BBS9: variants seen among roughly 807,000 people sequenced by gnomAD.
BBS9 encodes the protein Bardet-Biedl syndrome 9, also known as protein PTHB1.
A neutral mutation model predicts 117.7 loss-of-function variants in BBS9; 89 were observed. That is an observed-to-expected ratio of 0.76 (90% CI 0.64 to 0.90). The LOEUF is 0.90. Among genes scored for constraint, BBS9 ranks in the 40% least tolerant of loss-of-function variants. BBS9 has a pLI of 0.00. For synonymous variants in BBS9, 379 were observed against 370.9 expected, an observed-to-expected ratio of 1.02 and a Z score of -0.25; for missense variants, 982 against 1,042.2, an observed-to-expected ratio of 0.94 and a Z score of 0.80.
chr7:33,532,867 C>G (rs964598829), intron 20 of BBS9, among the ~76,000 whole-genome samples: 3 of 152,172 alleles, frequency 2.0e-5, no homozygotes, highest in African/African-American at 7.2e-5. Flanking sequence ...CCGCAGTATT[C>G]TATGATCATA....
chr7:33,370,163 A>C (rs1822581604), intron 17 of BBS9, among the ~76,000 whole-genome samples: 1 of 148,968 alleles, frequency 6.7e-6, no homozygotes, highest in African/African-American at 2.6e-5. Flanking sequence ...ATATTTTTAG[A>C]AAGCAGAATA....
intron 4 of BBS9, among the ~76,000 whole-genome samples, chr7:33,163,205 T>G (rs1307286376): frequency 6.6e-6 from 1 of 152,220 alleles, no homozygotes; most frequent in Non-Finnish European, 1.5e-5. Flanking sequence ...GATAAACTTT[T>G]TGATGTGCTG....
chr7:33,319,777 C>G (rs1466474358), intron 9 of BBS9, among the ~76,000 whole-genome samples: 1 of 152,132 alleles, frequency 6.6e-6, no homozygotes, highest in Admixed American at 6.5e-5. Context: ...AGACAACCCA[C>G]AGAGTGGGAG....
intron 5 of BBS9, among the ~76,000 whole-genome samples, chr7:33,225,021 A>G (rs945692730): frequency 5.9e-5 from 9 of 152,180 alleles, no homozygotes; most frequent in African/African-American, 2.2e-4. Flanking sequence ...CCAGAGATAT[A>G]TTCTTAGGAG....
Position 33,362,721 on chromosome 7 carries a change from A to G in BBS9, c.1693+4726A>G, listed in dbSNP as rs1024159471. ...AATTTCTCCAACTTTATTCTTCTCA[A>G]TTTTGTTTTGGATATTTTAGGTCCT... On this transcript the variant is annotated intron_variant, in intron 16 of 22. Coordinates refer to ENST00000242067, the MANE Select transcript of BBS9 (RefSeq NM_198428.3). 4.6e-5 allele frequency among the ~76,000 whole-genome samples: 7 copies of G among 152,164 alleles called. No homozygotes were observed. The East Asian group carries it at 1.4e-3, about 29-fold the overall frequency.
chr7:33,542,772 A>AAT (rs1563332432), intron 21 of BBS9, among the ~76,000 whole-genome samples: 7 of 102,142 alleles, frequency 6.9e-5, no homozygotes, highest in Non-Finnish European at 1.3e-4. Context: ...TGTATATGTG[A>AAT]GTATATATAT....
At chr7:33,326,828 T>G (rs1490587198) in intron 9 of BBS9, among the ~76,000 whole-genome samples, 1 of 151,806 alleles carries the variant, frequency 6.6e-6, no homozygotes, top group Non-Finnish European at 1.5e-5. Context: ...AGTGCCTTAT[T>G]CTACTGTGGA....
chr7:33,308,261 G>T (rs1251589118), intron 9 of BBS9, among the ~76,000 whole-genome samples: 2 of 152,100 alleles, frequency 1.3e-5, no homozygotes, highest in Non-Finnish European at 2.9e-5. Flanking sequence ...AGGAAGGACT[G>T]GATTTGGAGG....
intron 21 of BBS9, among the ~76,000 whole-genome samples, chr7:33,591,739 A>G (rs1198980714): frequency 1.3e-5 from 2 of 151,964 alleles, no homozygotes; most frequent in African/African-American, 4.8e-5. Context: ...CCACTGTTTT[A>G]CCCTTTTATC....
At chr7:33,199,405 CA>C (rs1785465941) in intron 5 of BBS9, among the ~76,000 whole-genome samples, 1 of 151,824 alleles carries the variant, frequency 6.6e-6, no homozygotes, top group Non-Finnish European at 1.5e-5. Flanking sequence ...CCCCCAGTTT[CA>C]AGATTAACTG....
chr7:33,395,096 A>G (rs1584641409), intron 19 of BBS9, among the ~76,000 whole-genome samples: 1 of 152,224 alleles, frequency 6.6e-6, no homozygotes, highest in African/African-American at 2.4e-5. Flanking sequence ...AACTGTTTGT[A>G]CATGTTCATG....
intron 15 of BBS9, among the ~76,000 whole-genome samples, chr7:33,357,365 T>A (rs1019397821): frequency 6.6e-6 from 1 of 151,770 alleles, no homozygotes; most frequent in Non-Finnish European, 1.5e-5. Flanking sequence ...ATGTTCATAA[T>A]CTGAATCTTC....
At chr7:33,439,614 C>T (rs1835849448) in intron 19 of BBS9, among the ~76,000 whole-genome samples, 1 of 150,950 alleles carries the variant, frequency 6.6e-6, no homozygotes, top group African/African-American at 2.4e-5. Flanking sequence ...CTGCAACCTC[C>T]GTCTCCCAGG....
intron 19 of BBS9, among the ~76,000 whole-genome samples, chr7:33,405,306 T>A (rs1028145334): frequency 6.6e-6 from 1 of 152,170 alleles, no homozygotes; most frequent in Non-Finnish European, 1.5e-5. Flanking sequence ...TAAAATTCTC[T>A]TTTTTGGTTG....
At chr7:33,250,806 T>A (rs1796102775) in intron 5 of BBS9, among the ~76,000 whole-genome samples, 1 of 152,232 alleles carries the variant, frequency 6.6e-6, no homozygotes, top group African/African-American at 2.4e-5. Context: ...AGACATTTAT[T>A]AATGTATCTC....
intron 19 of BBS9, among the ~76,000 whole-genome samples, chr7:33,463,482 A>T (rs537015957): frequency 6.6e-6 from 1 of 152,166 alleles, no homozygotes; most frequent in Non-Finnish European, 1.5e-5. Context: ...TCCTTGTTAC[A>T]ATGATCCCTT....
chr7:33,295,340 T>C (rs541676298), intron 9 of BBS9, among the ~76,000 whole-genome samples: 1 of 152,164 alleles, frequency 6.6e-6, no homozygotes, highest in Non-Finnish European at 1.5e-5. Context: ...GAACAGCACT[T>C]TAAAAATTAA....
In BBS9 at chr7:33,288,422, A is replaced by C. The variant is rs551390628; in HGVS notation, c.1016+14466A>C. Among the ~76,000 whole-genome samples the C allele has an allele frequency of 5.3e-5, 8 of 152,284 alleles. No homozygotes were observed. In the South Asian group the frequency reaches 1.7e-3, roughly 32 times the overall value. ...TGGCAAGACTGTAACAGTTTCAATC[A>C]AGTAGAAGATGACAAAATGTTATTC... On this transcript the variant is annotated intron_variant, in intron 9 of 22. Transcript: ENST00000242067.
Position 33,409,642 on chromosome 7 carries a change from T to A in BBS9, c.2115+21498T>A, listed in dbSNP as rs573027981. Among the ~76,000 whole-genome samples, 6 of 152,368 alleles carry A rather than the reference T, an allele frequency of 3.9e-5. No homozygotes were observed. In the East Asian group the frequency reaches 1.2e-3, roughly 29 times the overall value. The stretch of plus-strand genomic sequence containing the variant: ...TCCTACCAGCAGTGTATGAGGATTC[T>A]GTTTCTTTACATCCTTACATCACTT... On this transcript the variant is annotated intron_variant, in intron 19 of 22. Transcript: ENST00000242067.
Sources: allele counts gnomAD v4.1 joint callset (sites outside exome capture counted in the v4.1 genomes callset), GRCh38; gene constraint gnomAD v4.1.1; transcripts MANE v1.5; gene names NCBI Gene and HGNC (gene_info 2026-07-23, HGNC 2026-07-21).